MTRES1: variants seen among roughly 807,000 people sequenced by gnomAD.
MTRES1 encodes mitochondrial transcription rescue factor 1.
A neutral mutation model predicts 17.4 loss-of-function variants in MTRES1; 11 were observed. The ratio of observed to expected loss-of-function variants is 0.63; its 90% confidence interval spans 0.40 to 1.05. The LOEUF is 1.05. MTRES1 is among the 50% of genes least tolerant of loss of function. MTRES1 has a pLI of 0.00. For synonymous variants in MTRES1, 94 were observed against 99.6 expected (o/e 0.94, Z 0.34); for missense variants, 268 against 276.2 (o/e 0.97, Z 0.21).
chr6:107,030,578 A>G (rs115534678), intron 1 of MTRES1, among the ~76,000 whole-genome samples: 465 of 152,348 alleles, frequency 3.1e-3, no homozygotes, highest in African/African-American at 0.011. Context: ...TCAAATTATG[A>G]CAAGACGTGA....
chr6:107,038,267 A>C (rs1278031102), intron 1 of MTRES1, among the ~76,000 whole-genome samples: 1 of 152,216 alleles, frequency 6.6e-6, no homozygotes, highest in Non-Finnish European at 1.5e-5. Context: ...GGTACAATCT[A>C]GGCACAAAGG....
rs781981925 is a variant in MTRES1 at position 107,044,296 on chromosome 6, G to A, written c.507G>A (p.Arg169=). The change falls in exon 3 of 4, where the codon AGG becomes AGA. Residue 169 remains arginine (R), a synonymous_variant. Transcript: ENST00000311381. ...ATGCTTTCTACAAAGGTGAACTCAG[G>A]CTGAATGAGGAAAAATTATGGAAGA... ...VEDAFYKGEL[R]LNEEKLWKKS... The A allele has an allele frequency of 6.2e-6, 10 of 1,613,810 alleles. No homozygotes were observed. Among genetic ancestry groups the A allele is most frequent in the African/African-American group, 1.3e-5 (1 of 74,914 alleles).
intron 1 of MTRES1, among the ~76,000 whole-genome samples, chr6:107,029,354 AT>A (rs1180560347): frequency 1.3e-5 from 2 of 150,972 alleles, no homozygotes; most frequent in African/African-American, 2.4e-5. Flanking sequence ...CGCCCGGCTA[AT>A]TTTTTGTATT....
Position 107,035,604 on chromosome 6 carries a change from T to C in MTRES1, c.-12-4145T>C, listed in dbSNP as rs568232473. Among the ~76,000 whole-genome samples the C allele has an allele frequency of 1.6e-4, 25 of 152,318 alleles. No homozygotes were observed. In the South Asian group the frequency reaches 5.2e-3, roughly 32 times the overall value. On this transcript the variant is annotated intron_variant, in intron 1 of 3. Transcript: ENST00000311381. ...CAGATTTTACATTGTGAAGGATCTA[T>C]GCCAAAATCTTACAGTGGTTAACAT...
intron 1 of MTRES1, among the ~76,000 whole-genome samples, chr6:107,030,367 G>T (rs534724795): frequency 9.2e-5 from 14 of 152,248 alleles, no homozygotes; most frequent in Admixed American, 9.2e-4. Flanking sequence ...CAGGTCCCCA[G>T]GTTCATTGAT....
intron 3 of MTRES1, among the ~76,000 whole-genome samples, chr6:107,050,650 C>T (rs1774568523): frequency 6.9e-6 from 1 of 145,706 alleles, no homozygotes; most frequent in Non-Finnish European, 1.5e-5. Flanking sequence ...GATCTTGGCT[C>T]ACTGCAACCT....
At chr6:107,031,853 G>A (rs991734053) in intron 1 of MTRES1, among the ~76,000 whole-genome samples, 7 of 151,972 alleles carry the variant, frequency 4.6e-5, no homozygotes, top group Non-Finnish European at 1.0e-4. Flanking sequence ...CACCCACCTC[G>A]GCCTCCCAAA....
intron 3 of MTRES1, 82 bp from the exon 4 acceptor site, chr6:107,050,975 G>T: frequency 8.6e-7 from 1 of 1,159,600 alleles, no homozygotes; most frequent in South Asian, 1.4e-5. Context: ...TGATCATGTG[G>T]TGAAAACTCA....
At chr6:107,042,651 A>G (rs1401880271) in intron 2 of MTRES1, among the ~76,000 whole-genome samples, 2 of 152,174 alleles carry the variant, frequency 1.3e-5, no homozygotes, top group Admixed American at 6.6e-5. Context: ...CCTCAGTACA[A>G]ACTGGCAGAG....
At chr6:107,033,687 G>A (rs375359723) in intron 1 of MTRES1, among the ~76,000 whole-genome samples, 3 of 152,122 alleles carry the variant, frequency 2.0e-5, no homozygotes, top group South Asian at 2.1e-4. Flanking sequence ...GCGTGGTGGC[G>A]GGTGCCTGTA....
intron 1 of MTRES1, 151 bp from the exon 2 acceptor site, chr6:107,039,598 G>A (rs1425705772): frequency 1.3e-5 from 10 of 774,148 alleles, no homozygotes; most frequent in Non-Finnish European, 2.0e-5. Context: ...GAGATTACAG[G>A]CGTGAACCAC....
chr6:107,030,255 T>C, intron 1 of MTRES1: 1 of 674,998 alleles, frequency 1.5e-6, no homozygotes, highest in South Asian at 1.6e-5. Flanking sequence ...ACTTTGCTGT[T>C]CTCTGAGTGC....
At chr6:107,030,480 T>C (rs1430284531) in intron 1 of MTRES1, among the ~76,000 whole-genome samples, 1 of 152,164 alleles carries the variant, frequency 6.6e-6, no homozygotes, top group Non-Finnish European at 1.5e-5. Context: ...AAAAGATGCA[T>C]GGGACACAGT....
In MTRES1 at chr6:107,031,863, A is replaced by G. The variant is rs546383760; in HGVS notation, c.-13+3592A>G. Reference sequence around the variant, plus strand: ...TGATCCACCCACCTCGGCCTCCCAAAGTGCTGGGATTACAGGCATGAGCCA... The same window carrying G: ...TGATCCACCCACCTCGGCCTCCCAAGGTGCTGGGATTACAGGCATGAGCCA... On this transcript the variant is annotated intron_variant, in intron 1 of 3. Coordinates refer to ENST00000311381, the MANE Select transcript of MTRES1 (RefSeq NM_016487.5). Among the ~76,000 whole-genome samples, 4 of 152,170 alleles carry G rather than the reference A, an allele frequency of 2.6e-5. No individual in the cohort carries two copies. In the East Asian group the frequency reaches 5.8e-4, roughly 22 times the overall value.
At chr6:107,034,847 C>T (rs138670267) in intron 1 of MTRES1, among the ~76,000 whole-genome samples, 3,509 of 152,026 alleles carry the variant, frequency 0.023, 135 homozygotes, top group African/African-American at 0.08. Flanking sequence ...ATTAGCCAGG[C>T]GTGGTGGCAC....
intron 1 of MTRES1, among the ~76,000 whole-genome samples, chr6:107,029,116 C>G (rs947269680): frequency 2.6e-5 from 4 of 151,990 alleles, no homozygotes; most frequent in African/African-American, 9.7e-5. Context: ...AGCTCCGCCT[C>G]CCAGGTTCAC....
At chr6:107,039,633 T>TA in intron 1 of MTRES1, 116 bp from the exon 2 acceptor site, 3 of 1,148,598 alleles carry the variant, frequency 2.6e-6, no homozygotes, top group Non-Finnish European at 3.6e-6. Context: ...TAGGACTTTT[T>TA]AGGGGCGAAT....
intron 3 of MTRES1, among the ~76,000 whole-genome samples, chr6:107,047,532 C>T (rs1554228567): frequency 6.6e-6 from 1 of 152,022 alleles, no homozygotes. Context: ...TACACCTTTT[C>T]TTTGTCTACC....
At chr6:107,032,535 A>G (rs1230202846) in intron 1 of MTRES1, among the ~76,000 whole-genome samples, 1 of 152,122 alleles carries the variant, frequency 6.6e-6, no homozygotes, top group Non-Finnish European at 1.5e-5. Context: ...ACATAGTGAA[A>G]CCCCATCTCT....
Sources: gnomAD v4.1 joint callset for allele counts (sites outside exome capture counted in the v4.1 genomes callset) on GRCh38, gnomAD v4.1.1 for gene constraint, MANE v1.5 for transcripts, NCBI Gene and HGNC (gene_info 2026-07-23, HGNC 2026-07-21) for gene names.